Variants in CPT1A observed in about 807,000 individuals in gnomAD.
The protein encoded by CPT1A is carnitine palmitoyltransferase 1A.
In CPT1A, 64 loss-of-function variants were observed where a neutral mutation model predicts 100.8. The ratio of observed to expected loss-of-function variants is 0.63; its 90% confidence interval spans 0.52 to 0.78. The LOEUF (loss-of-function observed/expected upper bound fraction) is 0.78. CPT1A is among the 30% of genes least tolerant of loss of function. The pLI, the probability that CPT1A is intolerant of heterozygous loss-of-function variation, is 0.00. For synonymous variants in CPT1A, 363 were observed against 396.0 expected (o/e 0.92, Z 0.99); for missense variants, 802 against 1,034.1 (o/e 0.78, Z 3.08).
chr11:68,792,733 T>C (rs1419380064), intron 9 of CPT1A, among the ~76,000 whole-genome samples: 1 of 152,150 alleles, frequency 6.6e-6, no homozygotes, highest in African/African-American at 2.4e-5. Flanking sequence ...CGGAGTAAAA[T>C]GCCCCTGAGG....
intron 9 of CPT1A, among the ~76,000 whole-genome samples, chr11:68,786,298 C>G (rs1191282933): frequency 6.6e-6 from 1 of 152,094 alleles, no homozygotes; most frequent in Non-Finnish European, 1.5e-5. Flanking sequence ...GGAGCAGAGG[C>G]TGCAGTGAAC....
Position 68,822,890 on chromosome 11 carries a change from G to A in CPT1A, c.-13-7403C>T, listed in dbSNP as rs114349780. Among the ~76,000 whole-genome samples, 886 of 152,300 alleles carry A rather than the reference G, an allele frequency of 5.8e-3. 12 individuals are homozygous for A. The highest frequency in any genetic ancestry group is 0.02 in the African/African-American group (815 of 41,560). Reference sequence around the variant, plus strand: ...AATGTCTGGAACAAGCAAATCTACAGAGACAGAAAGTACACTAGTGGTTGC... The same window carrying A: ...AATGTCTGGAACAAGCAAATCTACAAAGACAGAAAGTACACTAGTGGTTGC... On this transcript the variant is annotated intron_variant, in intron 1 of 18. Coordinates refer to ENST00000265641, the MANE Select transcript of CPT1A (RefSeq NM_001876.4).
At position 68,788,072 on chromosome 11, in the gene CPT1A, T is replaced by TGTTGGA. The variant is rs150508913; in HGVS notation, c.968-3068_968-3063dup. ...GGAACCACCTCTGCCAACACCTTGA[T>TGTTGGA]GTTGGAGTTCCAGCCTGCAGAATTG... is the stretch of plus-strand genomic sequence containing the variant. On this transcript the variant is annotated intron_variant, in intron 9 of 18. Transcript: ENST00000265641. Among the ~76,000 whole-genome samples the TGTTGGA allele has an allele frequency of 3.4e-4, 51 of 152,158 alleles. No homozygotes were observed. The East Asian group carries it at 8.3e-3, about 25-fold the overall frequency.
At chr11:68,804,601 AAAAC>A (rs1162326423) in intron 4 of CPT1A, among the ~76,000 whole-genome samples, 1 of 152,212 alleles carries the variant, frequency 6.6e-6, no homozygotes, top group Non-Finnish European at 1.5e-5. Context: ...AAGCAAAACA[AAAAC>A]AAACAAACCA....
At position 68,807,503 on chromosome 11, in the gene CPT1A, C is replaced by G. The variant is rs767840321; in HGVS notation, c.417G>C (p.Glu139Asp). ...LLSYHGWMFT[E>D]HGKMSRATKI... Reference sequence around the variant, plus strand: ...TGGTGGCACGACTCATCTTGCCGTGCTCAGTGAACATCCACCCGTGGTAGG... The same window carrying G: ...TGGTGGCACGACTCATCTTGCCGTGGTCAGTGAACATCCACCCGTGGTAGG... Residue 139 changes from glutamate to aspartate, a missense_variant, in exon 4 of 19, where the codon GAG (glutamate) becomes GAC (aspartate). Physicochemically the swap from Glu to Asp is conservative, Grantham distance 45. This residue lies in a region of CPT1A where 161 missense variants were observed against 183.7 expected (regional missense o/e 0.88). Transcript: ENST00000265641. 1.9e-5 allele frequency: 31 copies of G among 1,614,094 alleles called. No homozygotes were observed. In the South Asian group the frequency reaches 3.3e-4, roughly 17 times the overall value.
chr11:68,826,762 C>T (rs1429483040), intron 1 of CPT1A, among the ~76,000 whole-genome samples: 2 of 152,002 alleles, frequency 1.3e-5, no homozygotes, highest in Non-Finnish European at 2.9e-5. Flanking sequence ...CCAACCTGGC[C>T]CTCAGCGTGA....
chr11:68,787,396 T>G (rs924940730), intron 9 of CPT1A, among the ~76,000 whole-genome samples: 1 of 148,962 alleles, frequency 6.7e-6, no homozygotes, highest in Non-Finnish European at 1.5e-5. Flanking sequence ...ATCCTGCCAC[T>G]GCACTCCAGC....
chr11:68,837,103 G>A (rs964312677), intron 1 of CPT1A, among the ~76,000 whole-genome samples: 3 of 152,146 alleles, frequency 2.0e-5, no homozygotes, highest in East Asian at 1.9e-4. Context: ...AGGCTGGAGT[G>A]CAGTGGTGTG....
rs945236791 is a variant in CPT1A at position 68,754,962 on chromosome 11, A to G, written c.*2682T>C. On this transcript the variant is annotated 3_prime_UTR_variant, in exon 19 of 19. Transcript: ENST00000265641. ...TTTCTAAGATTTACATCCAAAGAGCATACTGTATTTACATGCACCGGTCAG... is the reference window on the plus strand; with the variant it reads ...TTTCTAAGATTTACATCCAAAGAGCGTACTGTATTTACATGCACCGGTCAG... The G allele has an allele frequency of 5.6e-6, 4 of 718,254 alleles. No homozygotes were observed. The highest frequency in any genetic ancestry group is 3.9e-5 in the Admixed American group (2 of 51,384). The allele number at this position is 718,254 out of a possible 1,614,324, so 44.5% of individuals were successfully genotyped here. A position where few individuals can be genotyped will look rare whatever the true frequency, so the allele number is the denominator to read the frequency against.
At chr11:68,807,435 C>G in intron 4 of CPT1A, 32 bp downstream of exon 4, 1 of 1,605,568 alleles carries the variant, frequency 6.2e-7, no homozygotes, top group Admixed American at 1.7e-5. Context: ...AAACTGTCCA[C>G]CCCCTCCACA....
Position 68,812,553 on chromosome 11 carries a change from G to T in CPT1A, c.165C>A (p.Tyr55Ter), listed in dbSNP as rs1038946311. The change falls in exon 3 of 19, where the codon TAC becomes TAA. Residue 55 changes from tyrosine (Y) to a stop codon, truncating the protein, a stop_gained. Coordinates refer to ENST00000265641, the MANE Select transcript of CPT1A (RefSeq NM_001876.4). LOFTEE classifies it high-confidence loss of function. The part of the protein sequence containing the change: ...RFKNGIITGV[Y>*]PASPSSWLIV... ...TAAGCCAACTGGAGGGGCTTGCCGG[G>T]TACACGCCAGTGATGATGCCGTTCT... The T allele has an allele frequency of 6.2e-7, 1 of 1,614,008 alleles. No individual in the cohort carries two copies. Among genetic ancestry groups the T allele is most frequent in the South Asian group, 1.1e-5 (1 of 91,082 alleles).
chr11:68,775,645 C>T (rs1302512867), intron 12 of CPT1A, among the ~76,000 whole-genome samples: 1 of 152,178 alleles, frequency 6.6e-6, no homozygotes, highest in Non-Finnish European at 1.5e-5. Flanking sequence ...AGGGCTTGCT[C>T]AAGTTTGTGA....
In CPT1A at chr11:68,793,382, C is replaced by T. The variant is rs1273814063; in HGVS notation, c.900G>A (p.Thr300=). The change falls in exon 9 of 19, where the codon ACG becomes ACA. Residue 300 remains threonine (T), a synonymous_variant. Transcript: ENST00000265641. ...CCCACTGAGCGGAGCAGAGTGGAAT[C>T]GTGGATCCCAAAAGACGAATCTGTA... ...EIKPIRLLGS[T]IPLCSAQWER... The T allele has an allele frequency of 5.6e-6, 9 of 1,611,286 alleles. No individual in the cohort carries two copies. Among genetic ancestry groups the T allele is most frequent in the South Asian group, 1.1e-5 (1 of 90,562 alleles).
In CPT1A at chr11:68,799,180, A is replaced by ACGCT. The variant is rs111436340; in HGVS notation, c.693+37_693+38insAGCG. The ACGCT allele has an allele frequency of 3.7e-3, 108 of 29,316 alleles. 1 individual carries two copies. In the East Asian group the frequency reaches 0.12, roughly 31 times the overall value. 1.8% of individuals were successfully genotyped at this position (29,316 alleles called of 1,614,324 possible). On this transcript the variant is annotated intron_variant, in intron 6 of 18. Coordinates refer to ENST00000265641, the MANE Select transcript of CPT1A (RefSeq NM_001876.4). ...CCTCAAAATTAGCGTCTTCATACGGAAAAATTTCATCAAGAAAAACTGTGT... is the reference window on the plus strand; with the variant it reads ...CCTCAAAATTAGCGTCTTCATACGGACGCTAAAATTTCATCAAGAAAAACTGTGT...
At chr11:68,812,641 T>C in intron 2 of CPT1A, 65 bp from the exon 3 acceptor site, 6 of 1,599,104 alleles carry the variant, frequency 3.8e-6, no homozygotes, top group East Asian at 2.2e-5. Flanking sequence ...TGACGCTTCA[T>C]GGCCCCTGGC....
chr11:68,769,645 C>A (rs1854930485), intron 14 of CPT1A, among the ~76,000 whole-genome samples: 1 of 152,076 alleles, frequency 6.6e-6, no homozygotes, highest in Non-Finnish European at 1.5e-5. Flanking sequence ...CTTTTCTTTT[C>A]AAAAATGTTA....
chr11:68,834,116 G>A (rs1391393391), intron 1 of CPT1A, among the ~76,000 whole-genome samples: 1 of 152,204 alleles, frequency 6.6e-6, no homozygotes, highest in Non-Finnish European at 1.5e-5. Flanking sequence ...CATTTATGGG[G>A]TCAATATAAT....
intron 14 of CPT1A, among the ~76,000 whole-genome samples, chr11:68,771,067 C>G (rs535726587): frequency 6.6e-6 from 1 of 152,330 alleles, no homozygotes; most frequent in South Asian, 2.1e-4. Flanking sequence ...ATTCCCACAC[C>G]TGGGCCACGT....
At chr11:68,780,805 T>C in intron 11 of CPT1A, 60 bp from the exon 12 acceptor site, 1 of 1,243,182 alleles carries the variant, frequency 8.0e-7, no homozygotes, top group African/African-American at 1.5e-5. Flanking sequence ...TGAGGAGACA[T>C]TGCACCTCTC....
Sources: allele counts gnomAD v4.1 joint callset (sites outside exome capture counted in the v4.1 genomes callset), GRCh38; gene constraint gnomAD v4.1.1; regional missense constraint gnomAD v4.1.1; transcripts MANE v1.5; gene names NCBI Gene and HGNC (gene_info 2026-07-23, HGNC 2026-07-21).